The following TBC1D30 variants were observed in gnomAD, a reference collection of about 807,000 sequenced individuals.
The protein encoded by TBC1D30 is TBC1 domain family member 30.
A neutral mutation model predicts 63.2 loss-of-function variants in TBC1D30; 31 were observed. The observed-to-expected ratio is 0.49, with a 90% CI of 0.37 to 0.66. The LOEUF is 0.66. Among genes scored for constraint, TBC1D30 ranks in the 30% least tolerant of loss-of-function variants. TBC1D30 has a pLI of 0.00. For missense variants in TBC1D30, 810 were observed against 953.6 expected (o/e 0.85, Z 1.98); for synonymous variants, 307 against 361.5 (o/e 0.85, Z 1.71).
In TBC1D30 at chr12:64,876,118, G is replaced by T. The variant is rs1236679320; in HGVS notation, c.*330G>T. On this transcript the variant is annotated 3_prime_UTR_variant, in exon 12 of 12. Coordinates refer to ENST00000539867, the MANE Select transcript of TBC1D30 (RefSeq NM_015279.2). ...CTCTCGTCCATCCTTCTGTTCTGGGGGCCTTCAGAGTCCCTGTGACAGCAC... is the reference window on the plus strand; with the variant it reads ...CTCTCGTCCATCCTTCTGTTCTGGGTGCCTTCAGAGTCCCTGTGACAGCAC... 4 of 227,750 alleles carry T rather than the reference G, an allele frequency of 1.8e-5. No homozygotes were observed. Among genetic ancestry groups the T allele is most frequent in the Non-Finnish European group, 3.4e-5 (4 of 117,156 alleles). 14.1% of individuals were successfully genotyped at this position (227,750 alleles called of 1,614,324 possible). A position where few individuals can be genotyped will look rare whatever the true frequency, so the allele number is the denominator to read the frequency against.
chr12:64,875,723 T>A lies in TBC1D30; in HGVS notation c.2221T>A (p.Phe741Ile), dbSNP rs1304806280. The change falls in exon 12 of 12, where the codon TTT becomes ATT. Residue 741 changes from phenylalanine (F) to isoleucine (I), a missense_variant. Phe to Ile is a conservative substitution (Grantham distance 21). Around this residue, in one of 4 missense-constraint regions of TBC1D30, gnomAD observed 450 missense variants for 473.0 expected, o/e 0.95. Transcript: ENST00000539867. The part of the protein sequence containing the change: ...GPTERTPTVH[F>I]PQMSRSFSKP... Reference sequence around the variant, plus strand: ...TACAGAAAGAACCCCAACTGTGCACTTTCCTCAAATGAGTAGGAGCTTCAG... The same window carrying A: ...TACAGAAAGAACCCCAACTGTGCACATTCCTCAAATGAGTAGGAGCTTCAG... 4 of 1,536,230 alleles carry A rather than the reference T, an allele frequency of 2.6e-6. No individual in the cohort carries two copies. The Admixed American group carries it at 7.9e-5, about 30-fold the overall frequency.
chr12:64,824,619 C>A, upstream of TBC1D30: 1 of 387,254 alleles, frequency 2.6e-6, no homozygotes, highest in Non-Finnish European at 4.6e-6. Context: ...CGCTCCCGCC[C>A]TCCCCGCCTC....
intron 7 of TBC1D30, among the ~76,000 whole-genome samples, chr12:64,840,691 T>TA (rs1875796458): frequency 6.6e-6 from 1 of 152,228 alleles, no homozygotes; most frequent in Non-Finnish European, 1.5e-5. Flanking sequence ...ACCTAATTAC[T>TA]AAGTGGAATG....
At chr12:64,790,508 GT>G (rs1209511539) in intron 2 of TBC1D30, among the ~76,000 whole-genome samples, 1 of 152,088 alleles carries the variant, frequency 6.6e-6, no homozygotes, top group Non-Finnish European at 1.5e-5. Flanking sequence ...TTGTGAAGTA[GT>G]TTTACAGATC....
Position 64,786,043 on chromosome 12 carries a change from GAAGT to G in TBC1D30, c.643+4_643+7del, listed in dbSNP as rs1565641177. 10 of 1,284,886 alleles carry G rather than the reference GAAGT, an allele frequency of 7.8e-6. No individual in the cohort carries two copies. The highest frequency in any genetic ancestry group is 2.1e-4 in the Middle Eastern group (1 of 4,678). 79.6% of individuals were successfully genotyped at this position (1,284,886 alleles called of 1,614,324 possible). Reference sequence around the variant, plus strand: ...TGCTTGCAGGCTGTGTCACAGAAGAGAAGTAAGTACTGGAATTGGGTTACTTCTT... The same window carrying G: ...TGCTTGCAGGCTGTGTCACAGAAGAGAAGTACTGGAATTGGGTTACTTCTT... On this transcript the variant is annotated splice_donor_variant and coding_sequence_variant, in exon 2 of 13. Coordinates refer to the TBC1D30 transcript ENST00000542120. LOFTEE classifies it high-confidence loss of function.
chr12:64,802,179 C>T (rs147302887), intron 2 of TBC1D30, among the ~76,000 whole-genome samples: 1,690 of 152,246 alleles, frequency 0.011, 43 homozygotes, highest in African/African-American at 0.039. Flanking sequence ...ATTGCCTCCC[C>T]GACATCATTT....
intron 2 of TBC1D30, among the ~76,000 whole-genome samples, chr12:64,802,454 C>T (rs140899517): frequency 2.0e-5 from 3 of 152,198 alleles, no homozygotes; most frequent in African/African-American, 7.2e-5. Flanking sequence ...TCTTCCTGCC[C>T]TGTTTGTCTC....
At chr12:64,816,604 C>G (rs1873554261) in intron 2 of TBC1D30, among the ~76,000 whole-genome samples, 1 of 152,192 alleles carries the variant, frequency 6.6e-6, no homozygotes, top group Admixed American at 6.5e-5. Context: ...CTAGTCTGGC[C>G]TCACCTCATT....
At chr12:64,845,439 C>T (rs970765955) in intron 8 of TBC1D30, among the ~76,000 whole-genome samples, 2 of 152,052 alleles carry the variant, frequency 1.3e-5, no homozygotes, top group East Asian at 1.9e-4. Flanking sequence ...AACAATTGCT[C>T]CTGGGGGCTG....
chr12:64,781,691 C>CTTTTTT (rs34191075), intron 1 of TBC1D30, among the ~76,000 whole-genome samples: 2 of 145,166 alleles, frequency 1.4e-5, no homozygotes, highest in East Asian at 2.0e-4. Flanking sequence ...CTGTTCTTTC[C>CTTTTTT]TTTTTTTTTT....
Position 64,838,694 on chromosome 12 carries a change from C to A in TBC1D30, c.775C>A (p.Pro259Thr). The change falls in exon 7 of 12, where the codon CCC becomes ACC. Residue 259 changes from proline (P) to threonine (T), a missense_variant. By Grantham distance (38) the Pro-to-Thr change is conservative (BLOSUM62 -1). Coordinates refer to ENST00000539867, the MANE Select transcript of TBC1D30 (RefSeq NM_015279.2). ...ANKESGGGYE[P>T]PLTNVFTMQW... The stretch of plus-strand genomic sequence containing the variant: ...TTGTTTTATTTCAGGTGGATATGAG[C>A]CCCCACTTACAAATGTCTTCACGAT... 2 of 1,536,466 alleles carry A rather than the reference C, an allele frequency of 1.3e-6. No homozygotes were observed. The highest frequency in any genetic ancestry group is 1.7e-6 in the Non-Finnish European group (2 of 1,146,978).
At chr12:64,871,952 C>T (rs986005990) in intron 11 of TBC1D30, among the ~76,000 whole-genome samples, 5 of 152,196 alleles carry the variant, frequency 3.3e-5, no homozygotes, top group African/African-American at 7.2e-5. Context: ...GTGGTTTGTA[C>T]CTTCATCAGG....
intron 1 of TBC1D30, among the ~76,000 whole-genome samples, chr12:64,768,105 T>C (rs1004740269): frequency 2.0e-5 from 3 of 152,040 alleles, no homozygotes; most frequent in Non-Finnish European, 2.9e-5. Context: ...TGGGGTCCAG[T>C]GTGAAACAAA....
In TBC1D30 at chr12:64,807,938, A is replaced by G. The variant is rs183702322; in HGVS notation, c.644-19897A>G. On this transcript the variant is annotated intron_variant, in intron 2 of 12. Coordinates refer to the TBC1D30 transcript ENST00000542120. Reference sequence around the variant, plus strand: ...TTTAAGTTTTTTTTTTTTTTTTTGTAGAGCTGGGGTCTTCCTATGTCTTCC... The same window carrying G: ...TTTAAGTTTTTTTTTTTTTTTTTGTGGAGCTGGGGTCTTCCTATGTCTTCC... Among the ~76,000 whole-genome samples the G allele has an allele frequency of 0.012, 307 of 24,932 alleles. 1 individual carries two copies. The African/African-American group carries it at 0.13, about 10-fold the overall frequency. 16.4% of individuals were successfully genotyped at this position (24,932 alleles called of 152,430 possible). A position where few individuals can be genotyped will look rare whatever the true frequency, so the allele number is the denominator to read the frequency against.
intron 10 of TBC1D30, among the ~76,000 whole-genome samples, chr12:64,869,327 G>A (rs996142915): frequency 2.1e-4 from 32 of 152,098 alleles, no homozygotes; most frequent in African/African-American, 7.5e-4. Flanking sequence ...CTAACTTTTG[G>A]TGGTGATCTT....
chr12:64,820,031 T>C (rs1219603771), upstream of TBC1D30, among the ~76,000 whole-genome samples: 2 of 152,188 alleles, frequency 1.3e-5, no homozygotes, highest in Admixed American at 6.5e-5. Context: ...CCAGGCCCAC[T>C]TCCCCAGAGC....
intron 8 of TBC1D30, among the ~76,000 whole-genome samples, chr12:64,849,560 T>G (rs923790886): frequency 3.9e-5 from 6 of 152,140 alleles, no homozygotes; most frequent in Non-Finnish European, 8.8e-5. Flanking sequence ...TTGTGTCAGG[T>G]TTTTCAAAGA....
chr12:64,840,694 G>A (rs887401304), intron 7 of TBC1D30, among the ~76,000 whole-genome samples: 2 of 152,212 alleles, frequency 1.3e-5, no homozygotes, highest in Non-Finnish European at 2.9e-5. Flanking sequence ...TAATTACTAA[G>A]TGGAATGGCC....
chr12:64,802,770 G>T (rs908322176), intron 2 of TBC1D30, among the ~76,000 whole-genome samples: 4 of 152,074 alleles, frequency 2.6e-5, no homozygotes, highest in African/African-American at 9.7e-5. Flanking sequence ...CCTTGTGATA[G>T]TTTGCTGAGA....
Sources: allele counts gnomAD v4.1 joint callset (sites outside exome capture counted in the v4.1 genomes callset), GRCh38; gene constraint gnomAD v4.1.1; regional missense constraint gnomAD v4.1.1; transcripts MANE v1.5; gene names NCBI Gene and HGNC (gene_info 2026-07-23, HGNC 2026-07-21).